MEF2C: variants seen among roughly 807,000 people sequenced by gnomAD.
The protein encoded by MEF2C is myocyte enhancer factor 2C.
MEF2C carries 6 observed loss-of-function variants against 50.5 expected under a neutral mutation model. The observed-to-expected ratio is 0.12, with a 90% CI of 0.07 to 0.23. The LOEUF (loss-of-function observed/expected upper bound fraction) is 0.23, where lower values mean the gene tolerates loss of function less well. Ranked by LOEUF, MEF2C falls within the 10% of genes least tolerant of loss-of-function variation. The probability of loss-of-function intolerance (pLI) is 1.00; values close to 1 mark genes in which losing one functional copy is unlikely to be tolerated. For missense variants in MEF2C, 276 were observed against 605.0 expected, an observed-to-expected ratio of 0.46 and a Z score of 5.70; for synonymous variants, 183 against 228.0, an observed-to-expected ratio of 0.80 and a Z score of 1.78.
At chr5:88,832,704 T>G (rs1368592401) in intron 1 of MEF2C, among the ~76,000 whole-genome samples, 1 of 152,210 alleles carries the variant, frequency 6.6e-6, no homozygotes. Flanking sequence ...ACCTAGAATA[T>G]TTTGATGTCA....
intron 1 of MEF2C, among the ~76,000 whole-genome samples, chr5:88,896,040 CCAG>C (rs1359793814): frequency 2.0e-5 from 3 of 152,166 alleles, no homozygotes; most frequent in Non-Finnish European, 4.4e-5. Context: ...GTCCCTCCCA[CCAG>C]CAGCCACTTC....
At position 88,720,937 on chromosome 5, in the gene MEF2C, C is replaced by T. The variant is rs1756135319; in HGVS notation, c.*1667G>A. The T allele has an allele frequency of 1.3e-5, 2 of 152,474 alleles. No homozygotes were observed. Among genetic ancestry groups the T allele is most frequent in the Admixed American group, 1.3e-4 (2 of 15,272 alleles). 9.4% of individuals were successfully genotyped at this position (152,474 alleles called of 1,614,324 possible). A position where few individuals can be genotyped will look rare whatever the true frequency, so the allele number is the denominator to read the frequency against. ...GGGGTCCTGACACACCGGGATTGTT[C>T]AACAGTCCTATATTGCTGACAAGAT... On this transcript the variant is annotated 3_prime_UTR_variant, in exon 11 of 11. Coordinates refer to ENST00000504921, the MANE Select transcript of MEF2C (RefSeq NM_002397.5).
chr5:88,730,831 C>G (rs1761155897), intron 7 of MEF2C, among the ~76,000 whole-genome samples: 1 of 152,188 alleles, frequency 6.6e-6, no homozygotes, highest in Non-Finnish European at 1.5e-5. Flanking sequence ...TACCCTGAAG[C>G]TTGCCACAGA....
At chr5:88,789,025 T>C (rs1792424249) in intron 3 of MEF2C, among the ~76,000 whole-genome samples, 1 of 152,198 alleles carries the variant, frequency 6.6e-6, no homozygotes. Context: ...CTCCTTGACA[T>C]CATAGTGATG....
intron 1 of MEF2C, among the ~76,000 whole-genome samples, chr5:88,845,867 A>C (rs761947313): frequency 1.4e-4 from 22 of 151,960 alleles, no homozygotes; most frequent in Non-Finnish European, 2.6e-4. Flanking sequence ...AGTAGCTGAG[A>C]CTACAGGTGC....
intron 2 of MEF2C, among the ~76,000 whole-genome samples, chr5:88,805,823 CTTTTTT>C (rs869224140): frequency 1.6e-4 from 10 of 61,588 alleles, no homozygotes; most frequent in Admixed American, 2.2e-4. Flanking sequence ...CGTGAACATT[CTTTTTT>C]TTTTTTTTTT....
At chr5:88,843,830 G>A (rs566216959) in intron 1 of MEF2C, among the ~76,000 whole-genome samples, 12 of 146,348 alleles carry the variant, frequency 8.2e-5, no homozygotes, top group African/African-American at 3.0e-4. Flanking sequence ...TTTTTGAGAC[G>A]GAGTCTTGCT....
chr5:88,869,280 T>TATATATATATATATATATAC lies in MEF2C; in HGVS notation c.-143+13674_-143+13675insGTATATATATATATATATAT, dbSNP rs1561420315. Among the ~76,000 whole-genome samples, 27 of 73,944 alleles carry TATATATATATATATATATAC rather than the reference T, an allele frequency of 3.7e-4. 1 individual carries two copies. The highest frequency in any genetic ancestry group is 1.3e-3 in the African/African-American group (16 of 12,324). The allele number at this position is 73,944 out of a possible 152,430, so 48.5% of individuals were successfully genotyped here. A position where few individuals can be genotyped will look rare whatever the true frequency, so the allele number is the denominator to read the frequency against. ...ATATATATATATATATATATATACA[T>TATATATATATATATATATAC]ATATATATATATATACACATATATA... is the stretch of plus-strand genomic sequence containing the variant. On this transcript the variant is annotated intron_variant, in intron 1 of 10. Transcript: ENST00000504921.
chr5:88,820,579 A>G (rs1807820141), intron 2 of MEF2C, among the ~76,000 whole-genome samples: 1 of 152,062 alleles, frequency 6.6e-6, no homozygotes, highest in Non-Finnish European at 1.5e-5. Flanking sequence ...TATTCTGTGT[A>G]TAGCTAAATA....
intron 1 of MEF2C, among the ~76,000 whole-genome samples, chr5:88,828,197 C>A (rs1203859906): frequency 6.6e-6 from 1 of 151,906 alleles, no homozygotes; most frequent in Non-Finnish European, 1.5e-5. Flanking sequence ...TAAACATAAC[C>A]TTCAGTTATG....
chr5:88,720,456 CT>C lies in MEF2C; in HGVS notation c.*2147del, dbSNP rs1220088362. ...CAGATCAAGTTAAGAAAAATATAGCCTAGTTAATAAGGTCTCTTGGCTTCTG... is the reference window on the plus strand; with the variant it reads ...CAGATCAAGTTAAGAAAAATATAGCCAGTTAATAAGGTCTCTTGGCTTCTG... On this transcript the variant is annotated 3_prime_UTR_variant, in exon 11 of 11. Coordinates refer to ENST00000504921, the MANE Select transcript of MEF2C (RefSeq NM_002397.5). The C allele has an allele frequency of 6.6e-6, 1 of 152,334 alleles. No individual in the cohort carries two copies. The highest frequency in any genetic ancestry group is 1.5e-5 in the Non-Finnish European group (1 of 67,974). The allele number at this position is 152,334 out of a possible 1,614,324, so 9.4% of individuals were successfully genotyped here. A position where few individuals can be genotyped will look rare whatever the true frequency, so the allele number is the denominator to read the frequency against.
At chr5:88,760,468 CT>C (rs1234698316) in intron 4 of MEF2C, among the ~76,000 whole-genome samples, 4 of 152,218 alleles carry the variant, frequency 2.6e-5, no homozygotes, top group African/African-American at 4.8e-5. Context: ...CGAGCATTAG[CT>C]TTAACCCTTC....
At chr5:88,822,881 C>A (rs1309206571) in intron 2 of MEF2C, among the ~76,000 whole-genome samples, 2 of 151,846 alleles carry the variant, frequency 1.3e-5, no homozygotes, top group African/African-American at 4.8e-5. Context: ...TGGTTGGGAC[C>A]CAGCAGTACT....
At chr5:88,805,943 G>A (rs995024149) in intron 2 of MEF2C, among the ~76,000 whole-genome samples, 5 of 141,754 alleles carry the variant, frequency 3.5e-5, no homozygotes, top group African/African-American at 1.3e-4. Flanking sequence ...ATTCTGTAGA[G>A]TACTGTTCCT....
At chr5:88,770,094 G>T in intron 3 of MEF2C, 1 of 721,278 alleles carries the variant, frequency 1.4e-6, no homozygotes, top group Non-Finnish European at 1.7e-6. Flanking sequence ...TTAAACAAAG[G>T]TTGAGAGAGG....
intron 3 of MEF2C, chr5:88,761,822 TGTACTTGACA>T: frequency 6.4e-6 from 1 of 156,390 alleles, no homozygotes; most frequent in Non-Finnish European, 1.4e-5. Context: ...CCACTTCTGA[TGTACTTGACA>T]GCTAAAGGGT....
chr5:88,729,209 G>T lies in MEF2C; in HGVS notation c.964+9C>A. 6.2e-7 allele frequency: 1 copy of T among 1,612,810 alleles called. No individual in the cohort carries two copies. Among genetic ancestry groups the T allele is most frequent in the Non-Finnish European group, 8.5e-7 (1 of 1,179,150 alleles). On this transcript the variant is annotated intron_variant, in intron 9 of 10. Coordinates refer to ENST00000504921, the MANE Select transcript of MEF2C (RefSeq NM_002397.5). ...TAGTGTACTAATTGCACATGACAAA[G>T]CTACTCACCGGTACCATATGTTGTT...
chr5:88,802,528 C>T (rs903910324), intron 3 of MEF2C, among the ~76,000 whole-genome samples: 3 of 152,186 alleles, frequency 2.0e-5, no homozygotes, highest in African/African-American at 4.8e-5. Context: ...CTCACTGAGG[C>T]CTTGACCTCT....
chr5:88,737,452 T>G, intron 6 of MEF2C: 1 of 985,438 alleles, frequency 1.0e-6, no homozygotes, highest in Non-Finnish European at 1.2e-6. Flanking sequence ...ACATTTTCCC[T>G]AATGAAAATG....
Sources: allele counts gnomAD v4.1 joint callset (sites outside exome capture counted in the v4.1 genomes callset), GRCh38; gene constraint gnomAD v4.1.1; transcripts MANE v1.5; gene names NCBI Gene and HGNC (gene_info 2026-07-23, HGNC 2026-07-21).